CALN1: variants seen among roughly 807,000 people sequenced by gnomAD.
CALN1 encodes the protein calneuron 1, also known as calcium-binding protein 8.
CALN1 carries 17 observed loss-of-function variants against 30.6 expected under a neutral mutation model. The observed-to-expected ratio is 0.56, with a 90% CI of 0.38 to 0.83. CALN1 has a LOEUF of 0.83. Among genes scored for constraint, CALN1 ranks in the 40% least tolerant of loss-of-function variants. The pLI is 0.00. For missense variants in CALN1, 291 were observed against 354.9 expected, an observed-to-expected ratio of 0.82 and a Z score of 1.45; for synonymous variants, 156 against 131.4, an observed-to-expected ratio of 1.19 and a Z score of -1.28.
At chr7:71,793,472 A>G (rs1357802802) in intron 6 of CALN1, among the ~76,000 whole-genome samples, 3 of 152,192 alleles carry the variant, frequency 2.0e-5, no homozygotes, top group African/African-American at 7.2e-5. Context: ...AAGAGGAATG[A>G]CTTTGGAGCC....
At chr7:72,371,246 T>C (rs760324931) in intron 2 of CALN1, among the ~76,000 whole-genome samples, 7 of 152,180 alleles carry the variant, frequency 4.6e-5, no homozygotes, top group Non-Finnish European at 1.0e-4. Context: ...CATTTTGAAT[T>C]AAGTTTTGTG....
intron 4 of CALN1, among the ~76,000 whole-genome samples, chr7:72,028,873 C>G (rs954458730): frequency 6.6e-6 from 1 of 151,996 alleles, no homozygotes; most frequent in African/African-American, 2.4e-5. Flanking sequence ...AACCTGTAAT[C>G]CCAGCTACTT....
rs1386695124 is a variant in CALN1 at position 71,852,463 on chromosome 7, CCT to C, written c.502-41973_502-41972del. ...ACCAGCCTGGGCATTATAGTGAGACCCTGTCTCTAAAAAAAAAAAAAAAAAAA... is the reference window on the plus strand; with the variant it reads ...ACCAGCCTGGGCATTATAGTGAGACCGTCTCTAAAAAAAAAAAAAAAAAAA... On this transcript the variant is annotated intron_variant, in intron 5 of 6. Transcript: ENST00000395275. Among the ~76,000 whole-genome samples, 6 of 136,062 alleles carry C rather than the reference CCT, an allele frequency of 4.4e-5. No homozygotes were observed. In the South Asian group the frequency reaches 1.3e-3, roughly 29 times the overall value. 89.3% of individuals were successfully genotyped at this position (136,062 alleles called of 152,430 possible). A position where few individuals can be genotyped will look rare whatever the true frequency, so the allele number is the denominator to read the frequency against.
At position 71,781,457 on chromosome 7, in the gene CALN1, A is replaced by G. The variant is rs975211367; in HGVS notation, c.*6318T>C. ...GAAATGCACAGAGCCTTTCGTGTGG[A>G]TCAGACTGATGGGCAGCCCCATGGC... On this transcript the variant is annotated 3_prime_UTR_variant, in exon 7 of 7. Coordinates refer to ENST00000395275, the MANE Select transcript of CALN1 (RefSeq NM_031468.4). The G allele has an allele frequency of 7.9e-5, 12 of 152,242 alleles. No individual in the cohort carries two copies. Among genetic ancestry groups the G allele is most frequent in the Non-Finnish European group, 1.5e-5 (1 of 68,070 alleles). 9.4% of individuals were successfully genotyped at this position (152,242 alleles called of 1,614,324 possible).
At chr7:72,095,165 C>T (rs1030467488) in intron 4 of CALN1, among the ~76,000 whole-genome samples, 4 of 152,060 alleles carry the variant, frequency 2.6e-5, no homozygotes, top group Admixed American at 6.6e-5. Flanking sequence ...CTAGAAACCT[C>T]GGTACTTCAT....
intron 4 of CALN1, among the ~76,000 whole-genome samples, chr7:72,049,813 C>CTT (rs1361429663): frequency 4.2e-5 from 3 of 71,272 alleles, no homozygotes; most frequent in Non-Finnish European, 7.2e-5. Context: ...AAGTCTATTT[C>CTT]TTTTTTTTTT....
intron 3 of CALN1, among the ~76,000 whole-genome samples, chr7:72,194,052 C>G (rs909032682): frequency 6.6e-6 from 1 of 152,160 alleles, no homozygotes; most frequent in Admixed American, 6.5e-5. Context: ...AATCACCACT[C>G]AAGAACTTAG....
chr7:72,411,987 G>C (rs899651808), intron 1 of CALN1, 71 bp downstream of exon 1: 13 of 152,194 alleles, frequency 8.5e-5, no homozygotes, highest in African/African-American at 3.1e-4. Context: ...TACCCAGATG[G>C]CTCCCAAACC....
intron 5 of CALN1, among the ~76,000 whole-genome samples, chr7:71,860,459 G>A (rs1791208976): frequency 6.6e-6 from 1 of 152,112 alleles, no homozygotes; most frequent in African/African-American, 2.4e-5. Flanking sequence ...CCAAAGTGCT[G>A]GGATTACAGG....
chr7:71,860,223 C>T (rs974727335), intron 5 of CALN1, among the ~76,000 whole-genome samples: 9 of 149,142 alleles, frequency 6.0e-5, no homozygotes, highest in Admixed American at 4.7e-4. Flanking sequence ...GAAGCAGTCT[C>T]GCTCTGTCAC....
At chr7:72,038,805 A>G (rs1801956258) in intron 4 of CALN1, among the ~76,000 whole-genome samples, 1 of 152,142 alleles carries the variant, frequency 6.6e-6, no homozygotes, top group South Asian at 2.1e-4. Context: ...CAACATCAAG[A>G]AGTTACCCTA....
intron 3 of CALN1, among the ~76,000 whole-genome samples, chr7:72,245,358 C>T (rs1795089600): frequency 6.6e-6 from 1 of 152,196 alleles, no homozygotes; most frequent in Admixed American, 6.5e-5. Context: ...GTGGCTCACG[C>T]CTATAATCCC....
chr7:72,310,135 G>C (rs1386500275), intron 2 of CALN1, among the ~76,000 whole-genome samples: 2 of 151,904 alleles, frequency 1.3e-5, no homozygotes, highest in Non-Finnish European at 2.9e-5. Flanking sequence ...TAAGTCTCTA[G>C]ATATACAAAG....
chr7:72,259,795 CCTTT>C (rs1796150041), intron 3 of CALN1, among the ~76,000 whole-genome samples: 1 of 152,212 alleles, frequency 6.6e-6, no homozygotes, highest in African/African-American at 2.4e-5. Context: ...TAAGCCCTTT[CCTTT>C]CTTTTCCTTT....
intron 5 of CALN1, among the ~76,000 whole-genome samples, chr7:71,854,021 TG>T (rs1378992839): frequency 6.6e-5 from 10 of 152,296 alleles, no homozygotes; most frequent in Admixed American, 1.3e-4. Flanking sequence ...TCTATGCTTT[TG>T]GGACTATGAT....
intron 2 of CALN1, among the ~76,000 whole-genome samples, chr7:72,383,836 G>A (rs747383500): frequency 6.6e-6 from 1 of 152,164 alleles, no homozygotes; most frequent in Non-Finnish European, 1.5e-5. Context: ...TGTCCCATTA[G>A]CATCACAATA....
intron 6 of CALN1, among the ~76,000 whole-genome samples, chr7:71,789,108 G>T (rs1304332923): frequency 6.6e-6 from 1 of 152,082 alleles, no homozygotes; most frequent in Admixed American, 6.5e-5. Context: ...TGGCCACTGG[G>T]AGGTTTTTGA....
chr7:72,280,318 CCAT>C (rs1797651038), intron 2 of CALN1, among the ~76,000 whole-genome samples: 1 of 152,168 alleles, frequency 6.6e-6, no homozygotes, highest in Non-Finnish European at 1.5e-5. Flanking sequence ...AGCTTGCAAC[CCAT>C]CCCCTCGCCC....
At chr7:72,494,453 C>G in the CALN1 span, among the ~76,000 whole-genome samples, 2 of 152,210 alleles carry the variant, frequency 1.3e-5, no homozygotes, top group African/African-American at 4.8e-5. Flanking sequence ...CAAAGATAGG[C>G]AGTGACTATT....
Sources: allele counts gnomAD v4.1 joint callset (sites outside exome capture counted in the v4.1 genomes callset), GRCh38; gene constraint gnomAD v4.1.1; transcripts MANE v1.5; gene names NCBI Gene and HGNC (gene_info 2026-07-23, HGNC 2026-07-21).